Variants in SERPINI1 observed in about 807,000 individuals in gnomAD.
The protein encoded by SERPINI1 is neuroserpin.
A neutral mutation model predicts 41.1 loss-of-function variants in SERPINI1; 19 were observed. The ratio of observed to expected loss-of-function variants is 0.46; its 90% CI spans 0.32 to 0.68. The LOEUF (loss-of-function observed/expected upper bound fraction) is 0.68, where lower values mean the gene tolerates loss of function less well. SERPINI1 is among the 30% of genes least tolerant of loss of function. SERPINI1 has a pLI of 0.03. For missense variants in SERPINI1, 460 were observed against 479.2 expected, an observed-to-expected ratio of 0.96 and a Z score of 0.37; for synonymous variants, 138 against 156.6, an observed-to-expected ratio of 0.88 and a Z score of 0.89.
At chr3:167,771,335 A>G (rs73878775) in intron 1 of SERPINI1, among the ~76,000 whole-genome samples, 9,887 of 152,220 alleles carry the variant, frequency 0.065, 1,073 homozygotes, top group African/African-American at 0.23. Context: ...TTTTTTTTAA[A>G]TGAGAAGATT....
chr3:167,764,443 A>C (rs1171106872), intron 1 of SERPINI1, among the ~76,000 whole-genome samples: 1 of 152,132 alleles, frequency 6.6e-6, no homozygotes, highest in Non-Finnish European at 1.5e-5. Context: ...TTTTAAAACT[A>C]TCAGATCTCA....
chr3:167,740,616 C>T (rs561161914), intron 1 of SERPINI1, among the ~76,000 whole-genome samples: 16 of 152,318 alleles, frequency 1.1e-4, no homozygotes, highest in South Asian at 6.2e-4. Context: ...CTGCCAACAA[C>T]GGTTGCTTAT....
rs762427588 is a variant in SERPINI1, at chr3:167,792,634, A to G, written c.526A>G (p.Thr176Ala). 6.2e-6 allele frequency: 10 copies of G among 1,613,574 alleles called. No homozygotes were observed. Among genetic ancestry groups the G allele is most frequent in the Middle Eastern group, 1.6e-4 (1 of 6,076 alleles). ...ATCCCCAAGGGATTTTGATGCTGCCACTTATCTGGCCCTCATTAATGCTGT... is the reference window on the plus strand; with the variant it reads ...ATCCCCAAGGGATTTTGATGCTGCCGCTTATCTGGCCCTCATTAATGCTGT... ...LVSPRDFDAA[T>A]YLALINAVYF... Residue 176 changes from threonine to alanine, a missense_variant, in exon 4 of 9, where the codon ACT becomes GCT. Transcript: ENST00000446050.
intron 4 of SERPINI1, among the ~76,000 whole-genome samples, chr3:167,793,278 A>G (rs1045619563): frequency 4.6e-5 from 7 of 152,152 alleles, no homozygotes; most frequent in Admixed American, 3.3e-4. Flanking sequence ...AATATAATTC[A>G]ATATCTTTGG....
intron 1 of SERPINI1, among the ~76,000 whole-genome samples, chr3:167,748,889 CTG>C (rs774351005): frequency 2.6e-5 from 4 of 151,910 alleles, no homozygotes; most frequent in African/African-American, 7.3e-5. Flanking sequence ...TCCCTGGCCT[CTG>C]TAGGCATTTG....
chr3:167,764,858 A>G (rs1264842745), intron 1 of SERPINI1, among the ~76,000 whole-genome samples: 1 of 152,210 alleles, frequency 6.6e-6, no homozygotes, highest in Admixed American at 6.5e-5. Context: ...AAAGGGGCTA[A>G]AGGAACCATG....
At chr3:167,787,770 G>A (rs904744903) in intron 1 of SERPINI1, among the ~76,000 whole-genome samples, 4 of 152,206 alleles carry the variant, frequency 2.6e-5, no homozygotes, top group Admixed American at 6.5e-5. Context: ...GGCAGAGGAC[G>A]TTGGAACTTT....
chr3:167,771,561 T>C (rs1286725310), intron 1 of SERPINI1, among the ~76,000 whole-genome samples: 1 of 152,236 alleles, frequency 6.6e-6, no homozygotes, highest in Non-Finnish European at 1.5e-5. Flanking sequence ...GAAGAGAATC[T>C]TCACTATATA....
chr3:167,736,452 C>G (rs372578418), intron 1 of SERPINI1, among the ~76,000 whole-genome samples: 2 of 152,190 alleles, frequency 1.3e-5, no homozygotes, highest in African/African-American at 4.8e-5. Flanking sequence ...TAGCTTTCTT[C>G]CCAGTGGCTC....
intron 1 of SERPINI1, among the ~76,000 whole-genome samples, chr3:167,767,062 A>G (rs1726589551): frequency 6.6e-6 from 1 of 152,232 alleles, no homozygotes; most frequent in Non-Finnish European, 1.5e-5. Flanking sequence ...GCCATCTAGG[A>G]CTTTCATAGC....
intron 1 of SERPINI1, among the ~76,000 whole-genome samples, chr3:167,740,037 CT>C (rs967663857): frequency 3.3e-4 from 46 of 141,226 alleles, no homozygotes; most frequent in African/African-American, 4.9e-4. Flanking sequence ...TTTTTGCCGC[CT>C]TTTTTTTTTT....
chr3:167,772,879 TATATATATATATATAC>T (rs1238360040), intron 1 of SERPINI1, among the ~76,000 whole-genome samples: 1 of 66,442 alleles, frequency 1.5e-5, no homozygotes, highest in African/African-American at 7.0e-5. Flanking sequence ...TATATATATA[TATATATATATATATAC>T]ACACACACAC....
intron 6 of SERPINI1, among the ~76,000 whole-genome samples, chr3:167,817,182 A>G (rs1464829687): frequency 6.6e-6 from 1 of 152,176 alleles, no homozygotes. Context: ...CTGAGTCATG[A>G]CACACTGTAA....
At position 167,821,050 on chromosome 3, in the gene SERPINI1, C is replaced by T. The variant is rs552122005; in HGVS notation, c.980-1936C>T. Reference sequence around the variant, plus strand: ...GAGTTGGACACTCGTTGGGACAACCCGCCTGCAGAGAGGAGCTACCCACTG... The same window carrying T: ...GAGTTGGACACTCGTTGGGACAACCTGCCTGCAGAGAGGAGCTACCCACTG... On this transcript the variant is annotated intron_variant, in intron 6 of 8. Coordinates refer to ENST00000446050, the MANE Select transcript of SERPINI1 (RefSeq NM_001122752.2). Among the ~76,000 whole-genome samples the T allele has an allele frequency of 2.6e-5, 4 of 152,050 alleles. No individual in the cohort carries two copies. The South Asian group carries it at 6.2e-4, about 24-fold the overall frequency.
At position 167,807,156 on chromosome 3, in the gene SERPINI1, T is replaced by C. The variant is rs974704818; in HGVS notation, c.882-88T>C. 8.6e-6 allele frequency: 8 copies of C among 932,188 alleles called. No individual in the cohort carries two copies. In the African/African-American group the frequency reaches 1.3e-4, roughly 15 times the overall value. The allele number at this position is 932,188 out of a possible 1,614,324, so 57.7% of individuals were successfully genotyped here. A position where few individuals can be genotyped will look rare whatever the true frequency, so the allele number is the denominator to read the frequency against. On this transcript the variant is annotated intron_variant, in intron 5 of 8. Transcript: ENST00000446050. ...ATAATTTACTCTCCATAAAGCAGACTTTAAATATCCACATATCTAACACTT... is the reference window on the plus strand; with the variant it reads ...ATAATTTACTCTCCATAAAGCAGACCTTAAATATCCACATATCTAACACTT...
chr3:167,811,188 C>T (rs889089272), intron 6 of SERPINI1, among the ~76,000 whole-genome samples: 7 of 150,844 alleles, frequency 4.6e-5, no homozygotes, highest in Non-Finnish European at 1.0e-4. Context: ...TTTTTATTGG[C>T]ATCTAGAATG....
intron 1 of SERPINI1, among the ~76,000 whole-genome samples, chr3:167,770,028 CT>C (rs34233842): frequency 0.43 from 56,438 of 130,630 alleles, 11,982 homozygotes; most frequent in African/African-American, 0.53. Flanking sequence ...GGCATGTTTA[CT>C]TTTTTTTTTT....
intron 6 of SERPINI1, among the ~76,000 whole-genome samples, chr3:167,818,339 A>G (rs1367498742): frequency 6.6e-6 from 1 of 152,056 alleles, no homozygotes; most frequent in African/African-American, 2.4e-5. Flanking sequence ...AATATTTTGT[A>G]TTTTATTTGT....
intron 1 of SERPINI1, among the ~76,000 whole-genome samples, chr3:167,771,936 T>C (rs1726768929): frequency 6.6e-6 from 1 of 152,236 alleles, no homozygotes; most frequent in African/African-American, 2.4e-5. Flanking sequence ...GAAGTGAACC[T>C]GATGACCTCT....
Sources: allele counts gnomAD v4.1 joint callset (sites outside exome capture counted in the v4.1 genomes callset), GRCh38; gene constraint gnomAD v4.1.1; transcripts MANE v1.5; gene names NCBI Gene and HGNC (gene_info 2026-07-23, HGNC 2026-07-21).